TENM1: variants seen among roughly 807,000 people sequenced by gnomAD.
The protein encoded by TENM1 is teneurin-1.
TENM1 carries 35 observed loss-of-function variants against 174.8 expected under a neutral mutation model. The ratio of observed to expected loss-of-function variants is 0.20; its 90% CI spans 0.15 to 0.27. TENM1 has a LOEUF of 0.27. Among genes scored for constraint, TENM1 ranks in the 10% least tolerant of loss-of-function variants. TENM1 has a pLI of 1.00. For synonymous variants in TENM1, 781 were observed against 798.7 expected (o/e 0.98, Z 0.37); for missense variants, 1,633 against 2,130.1 (o/e 0.77, Z 4.59).
chrX:125,056,253 T>C, the TENM1 span, among the ~76,000 whole-genome samples: 8 of 111,593 alleles, frequency 7.2e-5, no homozygotes, highest in African/African-American at 2.3e-4. Context: ...AATTATTGAA[T>C]GTTAGGCTAT....
rs745526086 is a variant in TENM1 at position 124,481,973 on chromosome X, G to C, written c.3717-9C>G. ...TGTGAGCAGGACTTGTGCTAAGGAA[G>C]AGAAAAGTAAAGTTATTCAAGGCAA... On this transcript the variant is annotated splice_polypyrimidine_tract_variant and intron_variant, in intron 21 of 31. Transcript: ENST00000422452. 2.7e-6 allele frequency: 3 copies of C among 1,127,620 alleles called. No homozygotes were observed. The highest frequency in any genetic ancestry group is 3.6e-6 in the Non-Finnish European group (3 of 832,984). The allele number at this position is 1,127,620 out of a possible 1,213,427, so 92.9% of individuals were successfully genotyped here. A position where few individuals can be genotyped will look rare whatever the true frequency, so the allele number is the denominator to read the frequency against.
chrX:124,475,932 A>T (rs1293263568), intron 22 of TENM1, among the ~76,000 whole-genome samples: 1 of 111,352 alleles, frequency 9.0e-6, no homozygotes, highest in Non-Finnish European at 1.9e-5. Flanking sequence ...TTACTCTCCA[A>T]TATTCTTACT....
At chrX:124,388,511 T>A (rs1444723212) in intron 28 of TENM1, among the ~76,000 whole-genome samples, 1 of 112,652 alleles carries the variant, frequency 8.9e-6, no homozygotes, top group East Asian at 2.8e-4. Context: ...GTGGGCATTA[T>A]TATCAGTTTG....
the TENM1 span, among the ~76,000 whole-genome samples, chrX:125,094,746 C>T: frequency 1.8e-5 from 2 of 111,752 alleles, no homozygotes; most frequent in Admixed American, 1.9e-4. Context: ...AATATGCTAC[C>T]GTGTTGTATA....
At chrX:124,734,365 G>A (rs898053540) in intron 4 of TENM1, among the ~76,000 whole-genome samples, 2 of 111,046 alleles carry the variant, frequency 1.8e-5, no homozygotes, top group Non-Finnish European at 3.8e-5. Flanking sequence ...CAGGAGAATC[G>A]TTTGAATCCA....
intron 16 of TENM1, among the ~76,000 whole-genome samples, chrX:124,529,414 G>A (rs1298700055): frequency 1.8e-5 from 2 of 111,789 alleles, no homozygotes; most frequent in Non-Finnish European, 3.8e-5. Context: ...GCAGCCAATA[G>A]TCAAATAGGC....
chrX:124,510,193 G>A (rs760231110), intron 18 of TENM1, among the ~76,000 whole-genome samples: 3 of 112,565 alleles, frequency 2.7e-5, no homozygotes, highest in Non-Finnish European at 3.7e-5. Flanking sequence ...ATATCATAGA[G>A]ACTCAAAGAA....
chrX:124,456,692 T>C (rs779400198), intron 22 of TENM1, among the ~76,000 whole-genome samples: 7 of 111,982 alleles, frequency 6.3e-5, no homozygotes, highest in African/African-American at 2.3e-4. Context: ...ATTCCCAGTA[T>C]ATATTTTAAG....
the TENM1 span, among the ~76,000 whole-genome samples, chrX:125,102,760 C>T: frequency 4.4e-5 from 5 of 112,401 alleles, no homozygotes; most frequent in African/African-American, 1.3e-4. Flanking sequence ...TTTAGTTAGA[C>T]ATACCCTTGA....
At chrX:125,196,962 C>T in the TENM1 span, among the ~76,000 whole-genome samples, 1 of 111,330 alleles carries the variant, frequency 9.0e-6, no homozygotes, top group Non-Finnish European at 1.9e-5. Context: ...ATTGCAATAT[C>T]TAATAAACCA....
Position 124,549,219 on chromosome X carries a change from G to A in TENM1, c.2435-2129C>T, listed in dbSNP as rs1454198823. On this transcript the variant is annotated intron_variant, in intron 14 of 31. Transcript: ENST00000422452. The stretch of plus-strand genomic sequence containing the variant: ...CTCTGCTAATTAAACATCTGGATGC[G>A]CTGAAAAGCTGGCAAAAATATCAGG... Among the ~76,000 whole-genome samples, 3 of 112,046 alleles carry A rather than the reference G, an allele frequency of 2.7e-5. No individual in the cohort carries two copies. In the East Asian group the frequency reaches 8.4e-4, roughly 31 times the overall value.
the TENM1 span, among the ~76,000 whole-genome samples, chrX:125,057,349 T>C: frequency 4.3e-5 from 4 of 93,097 alleles, no homozygotes; most frequent in Admixed American, 4.9e-4. Flanking sequence ...GATATATCTA[T>C]ACATACATAC....
rs147511186 is a variant in TENM1 at position 124,420,337 on chromosome X, G to A, written c.4956C>T (p.Asn1652=). The change falls in exon 25 of 32, where the codon AAC becomes AAT. Residue 1652 remains asparagine, a synonymous_variant. Transcript: ENST00000422452. ...CATAAACGGTTGTCCATCCATTTTC[G>A]TTACTTTTGGTAGCCAGAAGCCCTG... 2,123 of 1,201,379 alleles carry A rather than the reference G, an allele frequency of 1.8e-3. 35 individuals are homozygous for A. The African/African-American group carries it at 0.034, about 19-fold the overall frequency.
At chrX:124,561,724 C>G (rs2048823276) in exon 14 of TENM1, 3 of 1,211,145 alleles carry the variant, frequency 2.5e-6, no homozygotes, top group Non-Finnish European at 3.4e-6. Flanking sequence ...AACATTGCAG[C>G]CTGTCCCACT....
chrX:124,801,179 T>C lies in TENM1; in HGVS notation c.536-63982A>G, dbSNP rs2055438809. Among the ~76,000 whole-genome samples, 3 of 111,795 alleles carry C rather than the reference T, an allele frequency of 2.7e-5. No individual in the cohort carries two copies. The Admixed American group carries it at 2.8e-4, about 11-fold the overall frequency. On this transcript the variant is annotated intron_variant, in intron 3 of 31. Transcript: ENST00000422452. Reference sequence around the variant, plus strand: ...TAATTTTATGTCTCATTGATCTGTATAATATTGACAGTGGGGTGTTAAATT... The same window carrying C: ...TAATTTTATGTCTCATTGATCTGTACAATATTGACAGTGGGGTGTTAAATT...
At chrX:124,918,589 C>T (rs2057968501) in intron 1 of TENM1, among the ~76,000 whole-genome samples, 1 of 108,798 alleles carries the variant, frequency 9.2e-6, no homozygotes, top group East Asian at 2.9e-4. Flanking sequence ...AAAAAAAATA[C>T]TATTCATTGC....
intron 11 of TENM1, among the ~76,000 whole-genome samples, chrX:124,598,523 G>A (rs961198243): frequency 1.8e-5 from 2 of 111,956 alleles, no homozygotes; most frequent in Non-Finnish European, 3.8e-5. Context: ...TAAAGAAAAT[G>A]TGGTACATAT....
At chrX:124,912,307 G>A (rs2057850171) in intron 1 of TENM1, among the ~76,000 whole-genome samples, 1 of 111,454 alleles carries the variant, frequency 9.0e-6, no homozygotes, top group South Asian at 3.8e-4. Context: ...CCATTTGAGG[G>A]AAGTTGAGGA....
the TENM1 span, among the ~76,000 whole-genome samples, chrX:125,163,454 G>C: frequency 6.3e-5 from 7 of 111,090 alleles, no homozygotes; most frequent in African/African-American, 1.3e-4. Flanking sequence ...AGATGCCCCA[G>C]GGTATTTTTA....
Sources: gnomAD v4.1 joint callset for allele counts (sites outside exome capture counted in the v4.1 genomes callset) on GRCh38, gnomAD v4.1.1 for gene constraint, MANE v1.5 for transcripts, NCBI Gene and HGNC (gene_info 2026-07-23, HGNC 2026-07-21) for gene names.